The following RABGAP1 variants were observed in gnomAD, a reference collection of about 807,000 sequenced individuals.
RABGAP1 encodes RAB GTPase activating protein 1.
Under a neutral mutation model 137.6 loss-of-function variants are expected in RABGAP1, and 23 were observed. The ratio of observed to expected loss-of-function variants is 0.17; its 90% CI spans 0.12 to 0.24. The LOEUF (loss-of-function observed/expected upper bound fraction) is 0.24, where lower values mean the gene tolerates loss of function less well. RABGAP1 is among the 10% of genes least tolerant of loss of function. The pLI is 1.00. For synonymous variants in RABGAP1, 451 were observed against 450.7 expected (o/e 1.00, Z -0.01); for missense variants, 906 against 1,275.8 (o/e 0.71, Z 4.42).
In RABGAP1 at chr9:122,984,715, A is replaced by C; in HGVS notation, c.381A>C (p.Gln127His). The change falls in exon 3 of 26, where the codon CAA becomes CAC. Residue 127 changes from glutamine to histidine, a missense_variant. Gln to His is a conservative substitution (Grantham distance 24). Transcript: ENST00000373647. ...TGAGCCTACCAGTGAAACCTGGACA[A>C]GGAGGTTAGGATTGCTGCATTGCTT... ...PEMSLPVKPG[Q>H]GDSEASSPFT... 6.2e-7 allele frequency: 1 copy of C among 1,612,984 alleles called. No homozygotes were observed. The highest frequency in any genetic ancestry group is 1.1e-5 in the South Asian group (1 of 91,058).
chr9:122,950,377 C>CTTTTTTTTTTTTTTTTT (rs200424486), intron 1 of RABGAP1, among the ~76,000 whole-genome samples: 1,260 of 74,312 alleles, frequency 0.017, no homozygotes, highest in Middle Eastern at 0.029. Flanking sequence ...CTTTTTCTTT[C>CTTTTTTTTTTTTTTTTT]TTTTTTTTTT....
chr9:123,051,190 C>T (rs1003606475), intron 13 of RABGAP1, among the ~76,000 whole-genome samples: 8 of 111,558 alleles, frequency 7.2e-5, no homozygotes, highest in Non-Finnish European at 1.1e-4. Context: ...TTTGAGGAGC[C>T]ACATGTTGTG....
At chr9:123,090,599 G>A (rs2035005510) in intron 21 of RABGAP1, among the ~76,000 whole-genome samples, 1 of 152,180 alleles carries the variant, frequency 6.6e-6, no homozygotes, top group African/African-American at 2.4e-5. Context: ...TTCTCATTGT[G>A]CACATAATCC....
chr9:122,962,822 G>A (rs112122304), intron 2 of RABGAP1, among the ~76,000 whole-genome samples: 3 of 152,114 alleles, frequency 2.0e-5, no homozygotes, highest in African/African-American at 7.2e-5. Flanking sequence ...TGATCCAACT[G>A]TATGCTCTCT....
Position 122,984,627 on chromosome 9 carries a change from A to G in RABGAP1, c.293A>G (p.Asn98Ser). 1 of 1,614,174 alleles carries G rather than the reference A, an allele frequency of 6.2e-7. No homozygotes were observed. Among genetic ancestry groups the G allele is most frequent in the Non-Finnish European group, 8.5e-7 (1 of 1,180,026 alleles). Residue 98 changes from asparagine to serine, a missense_variant, in exon 3 of 26, where the codon AAT becomes AGT. Around this residue, in one of 9 missense-constraint regions of RABGAP1, gnomAD observed 331 missense variants for 358.3 expected, o/e 0.92. Coordinates refer to ENST00000373647, the MANE Select transcript of RABGAP1 (RefSeq NM_012197.4). ...GGTGAAGGAGATGGGCCTCTTTCTA[A>G]TCAGCTCTCCGCTTCATCCACCATT... The part of the protein sequence containing the change: ...LDGEGDGPLS[N>S]QLSASSTINP...
intron 13 of RABGAP1, among the ~76,000 whole-genome samples, chr9:123,047,919 G>GCT (rs769473871): frequency 1.6e-5 from 1 of 62,252 alleles, no homozygotes; most frequent in Non-Finnish European, 3.6e-5. Flanking sequence ...CAGCTGCTGG[G>GCT]TTTTTTTTTT....
intron 13 of RABGAP1, among the ~76,000 whole-genome samples, chr9:123,030,485 C>T (rs2032238126): frequency 6.6e-6 from 1 of 152,114 alleles, no homozygotes; most frequent in Non-Finnish European, 1.5e-5. Context: ...GAAAGTTACT[C>T]AGCCTTCAAA....
intron 21 of RABGAP1, among the ~76,000 whole-genome samples, chr9:123,095,473 G>A (rs1048637381): frequency 1.3e-5 from 2 of 152,130 alleles, no homozygotes; most frequent in African/African-American, 2.4e-5. Context: ...GCCAAAGCAG[G>A]AAGATTGCTT....
chr9:122,946,864 C>G (rs1283177037), intron 1 of RABGAP1, among the ~76,000 whole-genome samples: 1 of 152,036 alleles, frequency 6.6e-6, no homozygotes, highest in Non-Finnish European at 1.5e-5. Flanking sequence ...CATTTCATCC[C>G]TACTTGTTAC....
In RABGAP1 at chr9:123,097,784, C is replaced by G. The variant is rs773784771; in HGVS notation, c.2672C>G (p.Thr891Ser). The G allele has an allele frequency of 1.5e-4, 239 of 1,613,856 alleles. 1 individual carries two copies. In the Middle Eastern group the frequency reaches 3.1e-3, roughly 21 times the overall value. The change falls in exon 22 of 26, where the codon ACC (threonine) becomes AGC (serine). Residue 891 changes from threonine to serine, a missense_variant. Thr to Ser is a moderately conservative substitution (Grantham distance 58). Transcript: ENST00000373647. Reference protein sequence around the residue: ...ADALNKELLMTKQKLIDAEEE... With the variant: ...ADALNKELLMSKQKLIDAEEE... Reference sequence around the variant, plus strand: ...GCTCTGAATAAGGAGCTGCTGATGACCAAACAGAAGTTGATTGATGCAGAA... The same window carrying G: ...GCTCTGAATAAGGAGCTGCTGATGAGCAAACAGAAGTTGATTGATGCAGAA...
At chr9:123,056,498 TA>T (rs1265808660) in intron 13 of RABGAP1, among the ~76,000 whole-genome samples, 3 of 149,688 alleles carry the variant, frequency 2.0e-5, no homozygotes, top group Non-Finnish European at 4.5e-5. Context: ...TTTTTTTTTT[TA>T]ATTGATCATT....
In RABGAP1 at chr9:123,073,540, T is replaced by C; in HGVS notation, c.1984-12T>C. 1 of 1,606,650 alleles carries C rather than the reference T, an allele frequency of 6.2e-7. No individual in the cohort carries two copies. The highest frequency in any genetic ancestry group is 1.1e-5 in the South Asian group (1 of 89,170). On this transcript the variant is annotated splice_polypyrimidine_tract_variant and intron_variant, in intron 15 of 25. Coordinates refer to ENST00000373647, the MANE Select transcript of RABGAP1 (RefSeq NM_012197.4). The stretch of plus-strand genomic sequence containing the variant: ...CATCCTCCCTACCCAACAACTTGCC[T>C]ATCTGTTACAGATGCCTGAAGAACA...
At chr9:123,032,062 T>C (rs1316186316) in intron 13 of RABGAP1, among the ~76,000 whole-genome samples, 1 of 152,220 alleles carries the variant, frequency 6.6e-6, no homozygotes, top group East Asian at 1.9e-4. Flanking sequence ...TAGAACTGTA[T>C]AGCCTCAGTA....
intron 5 of RABGAP1, 118 bp downstream of exon 5, chr9:122,989,589 G>A (rs1836556455): frequency 5.1e-6 from 6 of 1,180,338 alleles, no homozygotes; most frequent in Non-Finnish European, 7.2e-6. Context: ...CTCTGCTATT[G>A]TTTTAGTGAT....
At chr9:123,032,936 A>G (rs370023182) in intron 13 of RABGAP1, among the ~76,000 whole-genome samples, 25 of 152,288 alleles carry the variant, frequency 1.6e-4, no homozygotes, top group Middle Eastern at 6.8e-3. Context: ...TTACTTTTCT[A>G]TCTTCTGTTT....
rs10660327 is a variant in RABGAP1, at chr9:122,942,669, CAA to C, written c.-50+1594_-50+1595del. Among the ~76,000 whole-genome samples, 8 of 90,354 alleles carry C rather than the reference CAA, an allele frequency of 8.9e-5. No individual in the cohort carries two copies. In the South Asian group the frequency reaches 1.7e-3, roughly 19 times the overall value. 59.3% of individuals were successfully genotyped at this position (90,354 alleles called of 152,430 possible). A position where few individuals can be genotyped will look rare whatever the true frequency, so the allele number is the denominator to read the frequency against. On this transcript the variant is annotated intron_variant, in intron 1 of 25. Transcript: ENST00000373647. ...TGAGCAACAGAGCGAGACTCCGTCTCAAAAAAAAAAAAAAAAAAACACAAAAA... is the reference window on the plus strand; with the variant it reads ...TGAGCAACAGAGCGAGACTCCGTCTCAAAAAAAAAAAAAAAAACACAAAAA...
At chr9:122,961,219 A>T (rs1475523750) in intron 2 of RABGAP1, among the ~76,000 whole-genome samples, 1 of 151,682 alleles carries the variant, frequency 6.6e-6, no homozygotes, top group Non-Finnish European at 1.5e-5. Context: ...CACAAAGAGG[A>T]GTATCTTGAT....
chr9:123,090,268 C>T lies in RABGAP1; in HGVS notation c.2518-7C>T. 1.2e-6 allele frequency: 2 copies of T among 1,602,418 alleles called. No individual in the cohort carries two copies. The highest frequency in any genetic ancestry group is 1.3e-5 in the African/African-American group (1 of 74,736). Reference sequence around the variant, plus strand: ...GTGTCTGTAACTGGTTTCTTTCTACCCTTCAGCGGGAGAATAGGCGTCTAC... The same window carrying T: ...GTGTCTGTAACTGGTTTCTTTCTACTCTTCAGCGGGAGAATAGGCGTCTAC... On this transcript the variant is annotated splice_region_variant and splice_polypyrimidine_tract_variant and intron_variant, in intron 20 of 25. Coordinates refer to ENST00000373647, the MANE Select transcript of RABGAP1 (RefSeq NM_012197.4).
the RABGAP1 span, among the ~76,000 whole-genome samples, chr9:122,935,815 T>A: frequency 6.6e-6 from 1 of 152,210 alleles, no homozygotes; most frequent in Non-Finnish European, 1.5e-5. Flanking sequence ...CTTCAAAATG[T>A]CGGTTTCTCT....
Sources: allele counts gnomAD v4.1 joint callset (sites outside exome capture counted in the v4.1 genomes callset), GRCh38; gene constraint gnomAD v4.1.1; regional missense constraint gnomAD v4.1.1; transcripts MANE v1.5; gene names NCBI Gene and HGNC (gene_info 2026-07-23, HGNC 2026-07-21).